The following DENND11 variants were observed in gnomAD, a reference collection of about 807,000 sequenced individuals.
DENND11 encodes DENN domain containing 11, also known as DENN domain-containing protein 11.
Under a neutral mutation model 49.2 loss-of-function variants are expected in DENND11, and 34 were observed. The ratio of observed to expected loss-of-function variants is 0.69; its 90% confidence interval spans 0.53 to 0.92. The LOEUF is 0.92. Among genes scored for constraint, DENND11 ranks in the 40% least tolerant of loss-of-function variants. The pLI is 0.00. For synonymous variants in DENND11, 238 were observed against 230.3 expected, an observed-to-expected ratio of 1.03 and a Z score of -0.30; for missense variants, 475 against 581.6, an observed-to-expected ratio of 0.82 and a Z score of 1.88.
chr7:141,690,349 T>A (rs1207049866), intron 1 of DENND11, among the ~76,000 whole-genome samples: 1 of 152,214 alleles, frequency 6.6e-6, no homozygotes, highest in African/African-American at 2.4e-5. Flanking sequence ...TGATCCGCGT[T>A]CCCACCTATC....
At chr7:141,675,498 A>C (rs1798049835) in intron 3 of DENND11, among the ~76,000 whole-genome samples, 1 of 152,206 alleles carries the variant, frequency 6.6e-6, no homozygotes, top group Non-Finnish European at 1.5e-5. Context: ...TACAATTTCC[A>C]TCAATCAATG....
rs753720795 is a variant in DENND11, at chr7:141,665,308, G to A, written c.831C>T (p.Cys277=). Residue 277 remains cysteine (C), a synonymous_variant, in exon 6 of 9, where the codon TGC becomes TGT. Transcript: ENST00000536163. The stretch of plus-strand genomic sequence containing the variant: ...GCAGTGAAACGTTGGCCAAGCAGCA[G>A]CAGCAGTACACTGTGGGGATAGAGG... The part of the protein sequence containing the change: ...VGVVCYRVYC[C]CCLANVSLPG... 29 of 1,613,834 alleles carry A rather than the reference G, an allele frequency of 1.8e-5. No individual in the cohort carries two copies. The highest frequency in any genetic ancestry group is 4.0e-5 in the African/African-American group (3 of 74,944).
chr7:141,699,996 A>G (rs1798480895), intron 1 of DENND11, among the ~76,000 whole-genome samples: 1 of 152,180 alleles, frequency 6.6e-6, no homozygotes, highest in South Asian at 2.1e-4. Context: ...CTGACAAGGA[A>G]TGGGGGCAGG....
intron 1 of DENND11, among the ~76,000 whole-genome samples, chr7:141,687,926 A>G (rs1485467713): frequency 6.6e-6 from 1 of 151,312 alleles, no homozygotes; most frequent in Admixed American, 6.6e-5. Flanking sequence ...GAGCCACCGC[A>G]CCCGGCCATG....
rs7788221 is a variant in DENND11, at chr7:141,673,098, G to A, written c.681+969C>T. Among the ~76,000 whole-genome samples the A allele has an allele frequency of 4.0e-3, 611 of 152,262 alleles. 4 individuals are homozygous for A. Among genetic ancestry groups the A allele is most frequent in the African/African-American group, 0.014 (566 of 41,542 alleles). On this transcript the variant is annotated intron_variant, in intron 4 of 8. Coordinates refer to ENST00000536163, the MANE Select transcript of DENND11 (RefSeq NM_001080392.2). ...TTTCCGTGTCCACATCTCTGCAAAG[G>A]CAATGAAGTGGGGCAGGAAACATGC...
chr7:141,698,605 ACT>A (rs1425359892), intron 1 of DENND11, among the ~76,000 whole-genome samples: 2 of 151,876 alleles, frequency 1.3e-5, no homozygotes, highest in African/African-American at 2.4e-5. Context: ...AAGCTTTAAG[ACT>A]CTTTCTCTGA....
At position 141,664,935 on chromosome 7, in the gene DENND11, T is replaced by C. The variant is rs1164875123; in HGVS notation, c.1072A>G (p.Arg358Gly). 1 of 1,613,238 alleles carries C rather than the reference T, an allele frequency of 6.2e-7. No homozygotes were observed. Among genetic ancestry groups the C allele is most frequent in the Admixed American group, 1.7e-5 (1 of 59,942 alleles). The stretch of plus-strand genomic sequence containing the variant: ...TCGTTGAGCCGGCGGTACTTCTCCC[T>C]GTCAGCACTGTTGATCTTCAGCAGC... ...QPLLKINSAD[R>G]EKYRRLNEQR... is the part of the protein sequence containing the mutation. The change falls in exon 7 of 9, where the codon AGG becomes GGG. Residue 358 changes from arginine to glycine, a missense_variant. Physicochemically the swap from Arg to Gly is moderately radical, Grantham distance 125. Coordinates refer to ENST00000536163, the MANE Select transcript of DENND11 (RefSeq NM_001080392.2).
At chr7:141,693,472 C>G (rs1375746087) in intron 1 of DENND11, among the ~76,000 whole-genome samples, 1 of 152,100 alleles carries the variant, frequency 6.6e-6, no homozygotes, top group Admixed American at 6.5e-5. Context: ...ATCAAATGAC[C>G]CAGCAACGAT....
At chr7:141,677,656 T>G (rs1241991745) in intron 3 of DENND11, among the ~76,000 whole-genome samples, 1 of 151,776 alleles carries the variant, frequency 6.6e-6, no homozygotes, top group Non-Finnish European at 1.5e-5. Context: ...AACTTACAGC[T>G]TGTATTAAAT....
chr7:141,687,923 C>T (rs1204970002), intron 1 of DENND11, among the ~76,000 whole-genome samples: 7 of 152,066 alleles, frequency 4.6e-5, no homozygotes, highest in South Asian at 2.1e-4. Context: ...CGTGAGCCAC[C>T]GCACCCGGCC....
intron 4 of DENND11, among the ~76,000 whole-genome samples, chr7:141,668,584 AAAAC>A (rs879517125): frequency 4.0e-5 from 6 of 149,058 alleles, no homozygotes; most frequent in African/African-American, 9.7e-5. Context: ...AGACTGTCTC[AAAAC>A]AAACAAACAA....
chr7:141,687,631 A>ACTTTTTTTTTTTTTTTTT (rs1554410465), intron 1 of DENND11, among the ~76,000 whole-genome samples: 57 of 112,796 alleles, frequency 5.1e-4, no homozygotes, highest in African/African-American at 1.8e-3. Context: ...CACTCGGCTA[A>ACTTTTTTTTTTTTTTTTT]TTTTTTTTTT....
chr7:141,701,292 T>G (rs1798508552), intron 1 of DENND11, among the ~76,000 whole-genome samples: 1 of 151,130 alleles, frequency 6.6e-6, no homozygotes, highest in Admixed American at 6.6e-5. Context: ...TTCCTCAAAA[T>G]AATGCAGTCA....
chr7:141,669,787 G>C (rs1344344618), intron 4 of DENND11, among the ~76,000 whole-genome samples: 1 of 147,574 alleles, frequency 6.8e-6, no homozygotes, highest in Non-Finnish European at 1.5e-5. Flanking sequence ...TCCATGACAA[G>C]TATTATTATA....
At chr7:141,663,189 G>A (rs1797830649) in intron 8 of DENND11, 1 of 216,970 alleles carries the variant, frequency 4.6e-6, no homozygotes, top group African/African-American at 2.3e-5. Flanking sequence ...TTTCTGCTTA[G>A]TCATAGGAGG....
intron 3 of DENND11, among the ~76,000 whole-genome samples, chr7:141,678,830 A>C (rs897634951): frequency 1.3e-5 from 2 of 152,208 alleles, no homozygotes; most frequent in Non-Finnish European, 2.9e-5. Context: ...GTTTGTTTGA[A>C]TTGAGATCTG....
intron 1 of DENND11, among the ~76,000 whole-genome samples, chr7:141,689,933 A>G (rs1157447181): frequency 6.6e-6 from 1 of 152,226 alleles, no homozygotes; most frequent in Non-Finnish European, 1.5e-5. Flanking sequence ...GTTACTTCCA[A>G]TTTGAAGTTA....
chr7:141,662,772 C>G lies in DENND11; in HGVS notation c.1252G>C (p.Glu418Gln). 1 of 1,608,362 alleles carries G rather than the reference C, an allele frequency of 6.2e-7. No homozygotes were observed. Among genetic ancestry groups the G allele is most frequent in the Non-Finnish European group, 8.5e-7 (1 of 1,177,376 alleles). ...TCTAGGCCCATGCCCCGGGCATGCT[C>G]TGCTGTCAGAGTTTTGTCTTGACTG... ...SASQDKTLTA[E>Q]HARGMGLDPQ... The change falls in exon 9 of 9, where the codon GAG becomes CAG. Residue 418 changes from glutamate (E) to glutamine (Q), a missense_variant. Coordinates refer to ENST00000536163, the MANE Select transcript of DENND11 (RefSeq NM_001080392.2).
chr7:141,670,098 C>G (rs191845524), intron 4 of DENND11, among the ~76,000 whole-genome samples: 10 of 151,126 alleles, frequency 6.6e-5, no homozygotes, highest in Admixed American at 4.6e-4. Flanking sequence ...GCGTGAGCCA[C>G]CGCGCCCGGC....
Sources: allele counts gnomAD v4.1 joint callset (sites outside exome capture counted in the v4.1 genomes callset), GRCh38; gene constraint gnomAD v4.1.1; transcripts MANE v1.5; gene names NCBI Gene and HGNC (gene_info 2026-07-23, HGNC 2026-07-21).